Variants in ADAM29 observed in about 807,000 individuals in gnomAD.
ADAM29 encodes the protein ADAM metallopeptidase domain 29.
For synonymous variants in ADAM29, 367 were observed against 342.3 expected (o/e 1.07, Z -0.80); for missense variants, 969 against 1,001.8 (o/e 0.97, Z 0.44).
intron 4 of ADAM29, among the ~76,000 whole-genome samples, chr4:174,937,528 C>T (rs1744271344): frequency 6.6e-6 from 1 of 151,924 alleles, no homozygotes; most frequent in East Asian, 1.9e-4. Context: ...GGCCATCTCT[C>T]CCATTTCATC....
At chr4:174,946,180 G>A (rs1231769765) in intron 4 of ADAM29, among the ~76,000 whole-genome samples, 7 of 152,054 alleles carry the variant, frequency 4.6e-5, no homozygotes, top group Non-Finnish European at 1.0e-4. Flanking sequence ...GCAGTGTTAT[G>A]TAATTCTCAT....
At chr4:174,941,688 G>A (rs541644940) in intron 4 of ADAM29, among the ~76,000 whole-genome samples, 11 of 152,144 alleles carry the variant, frequency 7.2e-5, no homozygotes, top group Non-Finnish European at 1.6e-4. Context: ...TTTGAGATGA[G>A]ATTGGGGGGA....
At chr4:174,937,497 T>C (rs980192684) in intron 4 of ADAM29, among the ~76,000 whole-genome samples, 14 of 152,018 alleles carry the variant, frequency 9.2e-5, no homozygotes, top group African/African-American at 3.1e-4. Flanking sequence ...TTTATAAACC[T>C]AAACATCTGT....
intron 3 of ADAM29, among the ~76,000 whole-genome samples, chr4:174,932,193 A>G (rs1470739667): frequency 6.6e-6 from 1 of 152,140 alleles, no homozygotes; most frequent in African/African-American, 2.4e-5. Flanking sequence ...AGGCTGAGGC[A>G]GGAGAATCAC....
chr4:174,942,619 G>T (rs994744954), intron 4 of ADAM29, among the ~76,000 whole-genome samples: 1 of 152,106 alleles, frequency 6.6e-6, no homozygotes, highest in Non-Finnish European at 1.5e-5. Flanking sequence ...CAGAGCAGTT[G>T]GGCCCTGAGT....
intron 3 of ADAM29, among the ~76,000 whole-genome samples, chr4:174,931,813 C>T (rs530372399): frequency 3.1e-5 from 4 of 128,192 alleles, no homozygotes; most frequent in Non-Finnish European, 6.5e-5. Flanking sequence ...CTCTCTCTCT[C>T]TGTCACACAC....
In ADAM29 at chr4:174,978,094, C is replaced by CGGA; in HGVS notation, c.*108_*110dup. ...GAGTCAACCTCATGTGACACCTTACCGGAGTAAAAGTGGTAAACAAAAGCA... is the reference window on the plus strand; with the variant it reads ...GAGTCAACCTCATGTGACACCTTACCGGAGGAGTAAAAGTGGTAAACAAAAGCA... On this transcript the variant is annotated 3_prime_UTR_variant, in exon 5 of 5. Transcript: ENST00000359240. 6.5e-7 allele frequency: 1 copy of CGGA among 1,533,936 alleles called. No homozygotes were observed. The highest frequency in any genetic ancestry group is 8.8e-7 in the Non-Finnish European group (1 of 1,131,266).
intron 4 of ADAM29, among the ~76,000 whole-genome samples, chr4:174,958,328 T>A (rs1745624088): frequency 1.3e-5 from 2 of 151,828 alleles, no homozygotes; most frequent in Admixed American, 1.3e-4. Flanking sequence ...AATATTTTGA[T>A]ACTGTGTTGT....
At chr4:174,931,652 C>T (rs1743885244) in intron 3 of ADAM29, among the ~76,000 whole-genome samples, 4 of 152,094 alleles carry the variant, frequency 2.6e-5, no homozygotes. Flanking sequence ...TTTCCACCAA[C>T]CAAACATAAC....
At chr4:174,943,880 A>T (rs1365086015) in intron 4 of ADAM29, among the ~76,000 whole-genome samples, 1 of 152,024 alleles carries the variant, frequency 6.6e-6, no homozygotes, top group African/African-American at 2.4e-5. Flanking sequence ...AATAATACAC[A>T]CTCATTTTAT....
At chr4:174,934,951 A>G (rs935958984) in intron 3 of ADAM29, among the ~76,000 whole-genome samples, 5 of 152,220 alleles carry the variant, frequency 3.3e-5, no homozygotes, top group Non-Finnish European at 7.4e-5. Flanking sequence ...TTTAGTTCAT[A>G]TTATATTACC....
rs1746916654 is a variant in ADAM29 at position 174,977,503 on chromosome 4, G to T, written c.1978G>T (p.Gly660Cys). The part of the protein sequence containing the change: ...PPNCLIKGYG[G>C]SVDSGPPPKR... ...CAACTGCCTGATAAAAGGCTATGGA[G>T]GTAGTGTTGACAGTGGCCCACCCCC... The change falls in exon 5 of 5, where the codon GGT becomes TGT. Residue 660 changes from glycine to cysteine, a missense_variant. Coordinates refer to ENST00000359240, the MANE Select transcript of ADAM29 (RefSeq NM_014269.4). 4 of 1,614,066 alleles carry T rather than the reference G, an allele frequency of 2.5e-6. No homozygotes were observed. In the African/African-American group the frequency reaches 4.0e-5, roughly 16 times the overall value.
At chr4:174,938,377 C>G (rs1237677265) in intron 4 of ADAM29, among the ~76,000 whole-genome samples, 1 of 151,784 alleles carries the variant, frequency 6.6e-6, no homozygotes, top group African/African-American at 2.4e-5. Context: ...TACCCTAAAC[C>G]AAAATATTAG....
intron 3 of ADAM29, among the ~76,000 whole-genome samples, chr4:174,931,620 T>C (rs2110932947): frequency 6.6e-6 from 1 of 152,288 alleles, no homozygotes; most frequent in East Asian, 1.9e-4. Flanking sequence ...TTTATGCATA[T>C]CTACTAATTT....
At chr4:174,919,209 G>A (rs1743035885) in intron 1 of ADAM29, among the ~76,000 whole-genome samples, 1 of 152,102 alleles carries the variant, frequency 6.6e-6, no homozygotes, top group African/African-American at 2.4e-5. Context: ...TCAAAGTAAA[G>A]TGTATCATCT....
intron 4 of ADAM29, among the ~76,000 whole-genome samples, chr4:174,947,103 TTTC>T (rs1452987833): frequency 6.6e-6 from 1 of 152,102 alleles, no homozygotes; most frequent in African/African-American, 2.4e-5. Flanking sequence ...CTTTTCATCA[TTTC>T]TCATTGGGCT....
At chr4:174,931,532 A>G (rs1743877698) in intron 3 of ADAM29, 1 of 152,152 alleles carries the variant, frequency 6.6e-6, no homozygotes, top group African/African-American at 2.4e-5. Context: ...TTGTAGCCAC[A>G]TGAATCTATA....
At chr4:174,950,654 C>T (rs949220898) in intron 4 of ADAM29, among the ~76,000 whole-genome samples, 1 of 152,074 alleles carries the variant, frequency 6.6e-6, no homozygotes, top group Non-Finnish European at 1.5e-5. Context: ...ATAAAAAGTC[C>T]TTCTAGAATT....
intron 4 of ADAM29, among the ~76,000 whole-genome samples, chr4:174,957,788 T>C (rs1340115485): frequency 6.6e-6 from 1 of 151,826 alleles, no homozygotes; most frequent in African/African-American, 2.4e-5. Context: ...AAAAATATAA[T>C]TAGATCAGAA....
Sources: allele counts gnomAD v4.1 joint callset (sites outside exome capture counted in the v4.1 genomes callset), GRCh38; gene constraint gnomAD v4.1.1; transcripts MANE v1.5; gene names NCBI Gene and HGNC (gene_info 2026-07-23, HGNC 2026-07-21).